The following TSBP1 variants were observed in gnomAD, a reference collection of about 807,000 sequenced individuals.
TSBP1 encodes testis expressed basic protein 1, also known as testis-expressed basic protein 1.
TSBP1 carries 56 observed loss-of-function variants against 68.8 expected under a neutral mutation model. That is an observed-to-expected ratio of 0.81 (90% CI 0.66 to 1.02). The LOEUF is 1.02. Among genes scored for constraint, TSBP1 ranks in the 50% least tolerant of loss-of-function variants. The pLI is 0.00. For synonymous variants in TSBP1, 171 were observed against 208.7 expected (o/e 0.82, Z 1.56); for missense variants, 502 against 641.2 (o/e 0.78, Z 2.34).
Position 32,343,741 on chromosome 6 carries a change from G to A in TSBP1, c.350-4103C>T, listed in dbSNP as rs1054429896. Among the ~76,000 whole-genome samples, 3 of 152,090 alleles carry A rather than the reference G, an allele frequency of 2.0e-5. No homozygotes were observed. The highest frequency in any genetic ancestry group is 2.9e-5 in the Non-Finnish European group (2 of 68,008). On this transcript the variant is annotated intron_variant, in intron 9 of 22. Transcript: ENST00000612031. The surrounding 1 kb of genome is among the most constrained non-coding windows in gnomAD (Gnocchi z 4.3). ...GTTTGCTTGACTTTAAGTTCAGCACGTTTTCCTTCATATTCTTTACAATTT... is the reference window on the plus strand; with the variant it reads ...GTTTGCTTGACTTTAAGTTCAGCACATTTTCCTTCATATTCTTTACAATTT...
chr6:32,325,006 A>C lies in TSBP1; in HGVS notation c.515-1392T>G, dbSNP rs1022145721. On this transcript the variant is annotated intron_variant, in intron 16 of 22. Coordinates refer to ENST00000612031, the Ensembl canonical transcript of TSBP1. This position sits in a 1 kb window ranked among gnomAD's most constrained non-coding sequence, Gnocchi z 4.4. ...ATAGATGACTTATCTAGAAAGCAGA[A>C]ATGGATCTATATCATTTTTCTGTCA... 2.0e-5 allele frequency among the ~76,000 whole-genome samples: 3 copies of C among 152,214 alleles called. No homozygotes were observed. The highest frequency in any genetic ancestry group is 7.2e-5 in the African/African-American group (3 of 41,466).
At chr6:32,308,633 C>T (rs1489538675) in intron 19 of TSBP1, among the ~76,000 whole-genome samples, 1 of 150,172 alleles carries the variant, frequency 6.7e-6, no homozygotes, top group Non-Finnish European at 1.5e-5. Flanking sequence ...TTTTTATTTG[C>T]TTTCTCTTTT....
rs2073047 is a variant in TSBP1, at chr6:32,368,122, C to T, written c.134-165G>A. Among the ~76,000 whole-genome samples the T allele has an allele frequency of 6.3e-3, 957 of 152,284 alleles. 51 individuals carry two copies. The East Asian group carries it at 0.13, about 21-fold the overall frequency. On this transcript the variant is annotated intron_variant, in intron 3 of 22. Coordinates refer to ENST00000612031, the Ensembl canonical transcript of TSBP1. ...ATTGTGCATAAGCTACAAGAGCTGACGATGATAAGTGACTGTGTCAATCAC... is the reference window on the plus strand; with the variant it reads ...ATTGTGCATAAGCTACAAGAGCTGATGATGATAAGTGACTGTGTCAATCAC...
chr6:32,330,560 G>A, intron 16 of TSBP1, 29 bp downstream of exon 17: 1 of 1,603,406 alleles, frequency 6.2e-7, no homozygotes, highest in Non-Finnish European at 8.5e-7. Flanking sequence ...CAAGGAACCT[G>A]GAGGGAGAAG....
rs540658085 is a variant in TSBP1 at position 32,328,083 on chromosome 6, G to A, written c.514+2506C>T. ...CCTCCCAAAGTGCTGGATTACAGGC[G>A]TGAGCCACCAGTGCGCCGGGCCTAA... On this transcript the variant is annotated intron_variant, in intron 16 of 22. Coordinates refer to ENST00000612031, the Ensembl canonical transcript of TSBP1. Among the ~76,000 whole-genome samples the A allele has an allele frequency of 3.3e-5, 5 of 151,906 alleles. No individual in the cohort carries two copies. In the South Asian group the frequency reaches 6.2e-4, roughly 19 times the overall value.
At chr6:32,298,949 G>A (rs906228592) in intron 22 of TSBP1, among the ~76,000 whole-genome samples, 1 of 152,076 alleles carries the variant, frequency 6.6e-6, no homozygotes, top group Non-Finnish European at 1.5e-5. Flanking sequence ...ATTTAAATGC[G>A]GTCTTCTATT....
At chr6:32,370,193 C>G (rs1350532210) in intron 1 of TSBP1, among the ~76,000 whole-genome samples, 1 of 151,440 alleles carries the variant, frequency 6.6e-6, no homozygotes, top group Non-Finnish European at 1.5e-5. Flanking sequence ...GTTCTTTGGT[C>G]GTATACTAAG....
chr6:32,313,589 G>A (rs1766638880), intron 19 of TSBP1, among the ~76,000 whole-genome samples: 1 of 151,908 alleles, frequency 6.6e-6, no homozygotes, highest in Admixed American at 6.6e-5. Context: ...CTCATATGGT[G>A]CTGGATTTTC....
chr6:32,365,855 T>A lies in TSBP1; in HGVS notation c.217+312A>T. 1 of 488,818 alleles carries A rather than the reference T, an allele frequency of 2.0e-6. No homozygotes were observed. Among genetic ancestry groups the A allele is most frequent in the South Asian group, 1.6e-5 (1 of 62,938 alleles). The allele number at this position is 488,818 out of a possible 1,614,324, so 30.3% of individuals were successfully genotyped here. On this transcript the variant is annotated intron_variant, in intron 6 of 22. Transcript: ENST00000612031. This position sits in a 1 kb window ranked among gnomAD's most constrained non-coding sequence, Gnocchi z 4.3. ...TCCCACAATGGTATTGTCTCATCTGTGGATAGTTGTCTAAATTGATGCTTC... is the reference window on the plus strand; with the variant it reads ...TCCCACAATGGTATTGTCTCATCTGAGGATAGTTGTCTAAATTGATGCTTC...
Position 32,293,261 on chromosome 6 carries a change from G to A in TSBP1, c.1412C>T (p.Ser471Phe), listed in dbSNP as rs1175717782. The stretch of plus-strand genomic sequence containing the variant: ...ACCTGACTCACTCTTCTTTACTTGG[G>A]ATTCCAGTGTTTCTGGTACACTCAC... Residue 471 changes from serine (S) to phenylalanine (F), a missense_variant, in exon 23 of 23, where the codon TCC becomes TTC. Coordinates refer to ENST00000612031, the Ensembl canonical transcript of TSBP1. The A allele has an allele frequency of 5.0e-6, 8 of 1,612,226 alleles. No individual in the cohort carries two copies. In the South Asian group the frequency reaches 7.7e-5, roughly 15 times the overall value.
chr6:32,323,747 A>T (rs1767910243), intron 16 of TSBP1, 133 bp from the exon 18 acceptor site: 1 of 737,380 alleles, frequency 1.4e-6, no homozygotes, highest in Non-Finnish European at 2.3e-6. Flanking sequence ...TTTATTTTTA[A>T]TATGAATCAG....
At chr6:32,334,829 C>T (rs889717457) in intron 14 of TSBP1, among the ~76,000 whole-genome samples, 3 of 152,052 alleles carry the variant, frequency 2.0e-5, no homozygotes, top group Non-Finnish European at 4.4e-5. Flanking sequence ...GTCAGGAGAT[C>T]GAGACCATTC....
In TSBP1 at chr6:32,335,045, A is replaced by C. The variant is rs541419618; in HGVS notation, c.472+392T>G. ...CGAGACTCCATCTCAAAAAAAATAA[A>C]GAAAGGAAACTTAAAATTTGCATTA... On this transcript the variant is annotated intron_variant, in intron 14 of 22. Transcript: ENST00000612031. This position sits in a 1 kb window ranked among gnomAD's most constrained non-coding sequence, Gnocchi z 5.5. Among the ~76,000 whole-genome samples the C allele has an allele frequency of 6.6e-6, 1 of 152,036 alleles. No homozygotes were observed. The highest frequency in any genetic ancestry group is 6.5e-5 in the Admixed American group (1 of 15,286).
chr6:32,360,286 G>A (rs543847177), intron 6 of TSBP1, among the ~76,000 whole-genome samples: 1 of 152,122 alleles, frequency 6.6e-6, no homozygotes, highest in South Asian at 2.1e-4. Flanking sequence ...CTTTCTATGC[G>A]TGGCTAATTA....
intron 22 of TSBP1, among the ~76,000 whole-genome samples, chr6:32,297,773 A>G (rs1764859421): frequency 1.3e-5 from 2 of 152,122 alleles, no homozygotes; most frequent in Admixed American, 6.5e-5. Context: ...AAAAATATCA[A>G]CTGGGGCCGA....
chr6:32,352,899 T>C (rs1295061032), intron 8 of TSBP1: 1 of 151,892 alleles, frequency 6.6e-6, no homozygotes, highest in African/African-American at 2.4e-5. Flanking sequence ...GCAGCATATA[T>C]ACTAAAATTG....
At chr6:32,341,131 G>A (rs9469099) in intron 9 of TSBP1, among the ~76,000 whole-genome samples, 7,084 of 152,106 alleles carry the variant, frequency 0.047, 246 homozygotes, top group East Asian at 0.16. Context: ...ATTTTGTGGC[G>A]TTTCCCAGCT....
chr6:32,354,700 T>C (rs188514652), intron 8 of TSBP1, among the ~76,000 whole-genome samples: 71 of 152,236 alleles, frequency 4.7e-4, no homozygotes, highest in African/African-American at 1.5e-3. Flanking sequence ...AAACATTGTA[T>C]ATTCATAAGG....
intron 19 of TSBP1, among the ~76,000 whole-genome samples, chr6:32,310,761 A>ATATTTTTTTTTT: frequency 6.9e-6 from 1 of 144,806 alleles, no homozygotes; most frequent in Non-Finnish European, 1.5e-5. Flanking sequence ...ATATATATAT[A>ATATTTTTTTTTT]TTTTTAATCT....
Sources: gnomAD v4.1 joint callset for allele counts (sites outside exome capture counted in the v4.1 genomes callset) on GRCh38, gnomAD v4.1.1 for gene constraint, Gnocchi (gnomAD v3.1) non-coding constraint, MANE v1.5 for transcripts, NCBI Gene and HGNC (gene_info 2026-07-23, HGNC 2026-07-21) for gene names.